Variants in LAPTM4B observed in about 807,000 individuals in gnomAD.
LAPTM4B encodes the protein lysosomal protein transmembrane 4 beta.
Under a neutral mutation model 28.5 loss-of-function variants are expected in LAPTM4B, and 26 were observed. That is an observed-to-expected ratio of 0.91 (90% CI 0.67 to 1.27). The LOEUF (loss-of-function observed/expected upper bound fraction) is 1.27, where lower values mean the gene tolerates loss of function less well. Among genes scored for constraint, LAPTM4B ranks in the 50% most tolerant of loss-of-function variants. The pLI, the probability that LAPTM4B is intolerant of heterozygous loss-of-function variation, is 0.00. For synonymous variants in LAPTM4B, 109 were observed against 106.4 expected (o/e 1.02, Z -0.15); for missense variants, 288 against 285.8 (o/e 1.01, Z -0.06).
intron 5 of LAPTM4B, among the ~76,000 whole-genome samples, chr8:97,822,798 T>C (rs1428511386): frequency 1.3e-5 from 2 of 151,934 alleles, no homozygotes; most frequent in African/African-American, 4.8e-5. Context: ...GAAAATCGGG[T>C]GTCCATCCCC....
chr8:97,818,466 G>A (rs756363614), intron 4 of LAPTM4B, among the ~76,000 whole-genome samples: 3 of 152,154 alleles, frequency 2.0e-5, no homozygotes, highest in Non-Finnish European at 2.9e-5. Context: ...GGGAAAGTCC[G>A]GCAACTCCCT....
intron 5 of LAPTM4B, among the ~76,000 whole-genome samples, chr8:97,820,058 G>T (rs1268889602): frequency 6.6e-6 from 1 of 152,042 alleles, no homozygotes; most frequent in Non-Finnish European, 1.5e-5. Flanking sequence ...TAAAATCAGG[G>T]TGTTCATGGT....
chr8:97,827,720 A>G (rs986072699), intron 6 of LAPTM4B, among the ~76,000 whole-genome samples: 22 of 152,210 alleles, frequency 1.4e-4, no homozygotes, highest in African/African-American at 5.3e-4. Flanking sequence ...AGTGTGAGCA[A>G]CAAGGCTGTT....
intron 6 of LAPTM4B, among the ~76,000 whole-genome samples, chr8:97,842,445 G>C (rs1657916590): frequency 6.6e-6 from 1 of 152,168 alleles, no homozygotes; most frequent in Admixed American, 6.5e-5. Flanking sequence ...GGCTTGGATA[G>C]ATCTGAATTG....
At chr8:97,799,027 TC>T (rs1433146427) in intron 1 of LAPTM4B, among the ~76,000 whole-genome samples, 1 of 152,220 alleles carries the variant, frequency 6.6e-6, no homozygotes, top group Non-Finnish European at 1.5e-5. Context: ...TGCTTCTTTT[TC>T]TGTGTTCTTT....
chr8:97,841,182 G>A (rs1450295222), intron 6 of LAPTM4B, among the ~76,000 whole-genome samples: 1 of 20,712 alleles, frequency 4.8e-5, no homozygotes, highest in African/African-American at 4.4e-4. Context: ...CTTCCCAGAC[G>A]GGGCGGCACA....
chr8:97,795,906 G>A (rs1431478508), intron 1 of LAPTM4B, among the ~76,000 whole-genome samples: 1 of 149,876 alleles, frequency 6.7e-6, no homozygotes, highest in African/African-American at 2.4e-5. Context: ...GACAATGCAA[G>A]GACCTTAGCT....
At chr8:97,789,796 C>T (rs964804720) in intron 1 of LAPTM4B, among the ~76,000 whole-genome samples, 40 of 152,268 alleles carry the variant, frequency 2.6e-4, no homozygotes, top group African/African-American at 8.7e-4. Context: ...GCTGGGATTA[C>T]AGGCATGAGC....
intron 6 of LAPTM4B, among the ~76,000 whole-genome samples, chr8:97,844,553 T>C (rs1045330351): frequency 3.9e-5 from 6 of 152,168 alleles, no homozygotes; most frequent in African/African-American, 1.4e-4. Context: ...TACTTCTAGA[T>C]TACGTCTCAT....
intron 1 of LAPTM4B, among the ~76,000 whole-genome samples, chr8:97,780,061 A>G (rs2129715817): frequency 6.6e-6 from 1 of 151,004 alleles, no homozygotes; most frequent in East Asian, 1.9e-4. Context: ...AAAAAAAAAA[A>G]AAAAAAAGAA....
At chr8:97,793,123 C>T (rs949673132) in intron 1 of LAPTM4B, among the ~76,000 whole-genome samples, 12 of 152,264 alleles carry the variant, frequency 7.9e-5, no homozygotes, top group South Asian at 6.2e-4. Context: ...ATTTTCCCCA[C>T]TAGATAATAG....
Position 97,823,356 on chromosome 8 carries a change from GTTTTT to G in LAPTM4B, c.508-1696_508-1692del, listed in dbSNP as rs72472850. 6.5e-3 allele frequency among the ~76,000 whole-genome samples: 855 copies of G among 131,148 alleles called. 6 individuals are homozygous for G. The highest frequency in any genetic ancestry group is 0.021 in the African/African-American group (696 of 33,612). 86.0% of individuals were successfully genotyped at this position (131,148 alleles called of 152,430 possible). ...ATCATACAATATGGTTTTTTTTTTT[GTTTTT>G]TTTTTGTTGTTGTTGTTGTTGTTGT... On this transcript the variant is annotated intron_variant, in intron 5 of 6. Coordinates refer to ENST00000521545, the MANE Select transcript of LAPTM4B (RefSeq NM_018407.6).
chr8:97,807,887 T>A (rs1586329709), intron 2 of LAPTM4B, among the ~76,000 whole-genome samples: 2 of 139,978 alleles, frequency 1.4e-5, no homozygotes, highest in African/African-American at 2.7e-5. Context: ...AGAGATAACT[T>A]AAAAAAAAAA....
chr8:97,820,690 G>A (rs577079879), intron 5 of LAPTM4B, among the ~76,000 whole-genome samples: 19 of 152,044 alleles, frequency 1.2e-4, no homozygotes, highest in Non-Finnish European at 2.5e-4. Context: ...TATGATAGCA[G>A]CACTGTACTT....
chr8:97,825,267 G>C, intron 6 of LAPTM4B, 114 bp downstream of exon 6: 1 of 539,054 alleles, frequency 1.9e-6, no homozygotes, highest in Non-Finnish European at 3.4e-6. Context: ...ATACTCATGA[G>C]CTGCTTAGTT....
At chr8:97,828,660 A>C (rs116172858) in intron 6 of LAPTM4B, among the ~76,000 whole-genome samples, 1,951 of 152,328 alleles carry the variant, frequency 0.013, 48 homozygotes, top group African/African-American at 0.043. Flanking sequence ...CTTTTTCAGC[A>C]GTAAGCAGAT....
Position 97,803,680 on chromosome 8 carries a change from AC to A in LAPTM4B, c.100-1672del, listed in dbSNP as rs552500105. On this transcript the variant is annotated intron_variant, in intron 1 of 6. Transcript: ENST00000521545. ...TTATTTGGTTTTGAGGGAAGGTCTT[AC>A]TATGTTGCTCAGGTTGGAGTGCAGT... Among the ~76,000 whole-genome samples, 344 of 152,238 alleles carry A rather than the reference AC, an allele frequency of 2.3e-3. 1 individual carries two copies. The highest frequency in any genetic ancestry group is 6.9e-3 in the Middle Eastern group (2 of 290).
At chr8:97,780,978 G>A (rs1816298675) in intron 1 of LAPTM4B, among the ~76,000 whole-genome samples, 1 of 151,136 alleles carries the variant, frequency 6.6e-6, no homozygotes, top group Non-Finnish European at 1.5e-5. Flanking sequence ...TTATTGAGTT[G>A]TGATTTATGT....
chr8:97,803,952 T>G (rs1012584147), intron 1 of LAPTM4B, among the ~76,000 whole-genome samples: 3 of 152,226 alleles, frequency 2.0e-5, no homozygotes, highest in African/African-American at 7.2e-5. Context: ...CCAAATATGA[T>G]TTTTGTGGTA....
Sources: allele counts gnomAD v4.1 joint callset (sites outside exome capture counted in the v4.1 genomes callset), GRCh38; gene constraint gnomAD v4.1.1; transcripts MANE v1.5; gene names NCBI Gene and HGNC (gene_info 2026-07-23, HGNC 2026-07-21).